Variants in FBXL18 observed in about 807,000 individuals in gnomAD.
FBXL18 encodes F-box and leucine rich repeat protein 18, also known as F-box/LRR-repeat protein 18.
FBXL18 carries 36 observed loss-of-function variants against 46.0 expected under a neutral mutation model. The ratio of observed to expected loss-of-function variants is 0.78; its 90% confidence interval spans 0.60 to 1.03. The LOEUF is 1.03. FBXL18 is among the 50% of genes least tolerant of loss of function. The pLI, the probability that FBXL18 is intolerant of heterozygous loss-of-function variation, is 0.00. For synonymous variants in FBXL18, 557 were observed against 465.3 expected, an observed-to-expected ratio of 1.20 and a Z score of -2.54; for missense variants, 977 against 1,004.1, an observed-to-expected ratio of 0.97 and a Z score of 0.36.
At chr7:5,468,691 C>T (rs1006717511) in intron 4 of FBXL18, among the ~76,000 whole-genome samples, 3 of 152,142 alleles carry the variant, frequency 2.0e-5, no homozygotes, top group African/African-American at 7.2e-5. Context: ...GACAACAACT[C>T]CTGGGCTCAA....
At chr7:5,461,008 C>A (rs193122204) in intron 4 of FBXL18, among the ~76,000 whole-genome samples, 1 of 152,322 alleles carries the variant, frequency 6.6e-6, no homozygotes, top group Non-Finnish European at 1.5e-5. Context: ...TTTCCTTCCA[C>A]GCACAAGTGC....
intron 4 of FBXL18, among the ~76,000 whole-genome samples, chr7:5,486,012 T>C (rs928940336): frequency 6.6e-6 from 1 of 151,598 alleles, no homozygotes; most frequent in African/African-American, 2.4e-5. Context: ...TGAGCCGAGA[T>C]TGTGCCACTG....
Position 5,505,459 on chromosome 7 carries a change from G to T in FBXL18, c.190C>A (p.Leu64Ile). The T allele has an allele frequency of 1.2e-6, 2 of 1,614,124 alleles. No homozygotes were observed. Among genetic ancestry groups the T allele is most frequent in the South Asian group, 2.2e-5 (2 of 91,082 alleles). The change falls in exon 2 of 5, where the codon CTT becomes ATT. Residue 64 changes from leucine (L) to isoleucine (I), a missense_variant. Physicochemically the swap from Leu to Ile is conservative, Grantham distance 5 (BLOSUM62 2). Transcript: ENST00000382368. ...RTCRKLAALCLDKSLIHTVLL... is the reference protein window; with the variant it reads ...RTCRKLAALCIDKSLIHTVLL... ...ACGGTGTGGATGAGGCTCTTGTCAA[G>T]GCACAGGGCTGCAAGCTTCCGACAG... is the stretch of plus-strand genomic sequence containing the variant.
chr7:5,502,314 C>A (rs187842348), intron 2 of FBXL18, among the ~76,000 whole-genome samples: 37 of 152,318 alleles, frequency 2.4e-4, no homozygotes, highest in African/African-American at 8.4e-4. Context: ...GCAGATGGAT[C>A]ACCTGAGGTC....
At position 5,491,296 on chromosome 7, in the gene FBXL18, C is replaced by T; in HGVS notation, c.1935G>A (p.Met645Ile). 1 of 1,612,974 alleles carries T rather than the reference C, an allele frequency of 6.2e-7. No homozygotes were observed. Among genetic ancestry groups the T allele is most frequent in the Non-Finnish European group, 8.5e-7 (1 of 1,179,848 alleles). ...GGGACTCCCCGGTGAACAGGTGGCA[C>T]ATGACAACCTGCAGGCAGCGAGCCA... ...AFMARCLQVVMCHLFTGESLA... is the reference protein window; with the variant it reads ...AFMARCLQVVICHLFTGESLA... The change falls in exon 4 of 5, where the codon ATG (methionine) becomes ATA (isoleucine). Residue 645 changes from methionine to isoleucine, a missense_variant. Transcript: ENST00000382368.
chr7:5,458,292 C>T (rs1222902336), intron 4 of FBXL18, among the ~76,000 whole-genome samples: 1 of 152,204 alleles, frequency 6.6e-6, no homozygotes, highest in Non-Finnish European at 1.5e-5. Flanking sequence ...TGGCCACCCA[C>T]AGTGGCTCAC....
At chr7:5,469,631 G>A (rs1273702291) in intron 4 of FBXL18, among the ~76,000 whole-genome samples, 3 of 151,802 alleles carry the variant, frequency 2.0e-5, no homozygotes, top group African/African-American at 7.3e-5. Context: ...GAGTGTGAGC[G>A]TGCAAGGGTG....
At chr7:5,506,032 T>A (rs996811619) in intron 1 of FBXL18, among the ~76,000 whole-genome samples, 5 of 151,696 alleles carry the variant, frequency 3.3e-5, no homozygotes, top group Non-Finnish European at 5.9e-5. Context: ...GTCCAGCTAA[T>A]TTTTTTGGTT....
At position 5,463,741 on chromosome 7, in the gene FBXL18, T is replaced by TTA. The variant is rs1562672349; in HGVS notation, c.2001-15899_2001-15898insTA. On this transcript the variant is annotated intron_variant and NMD_transcript_variant, in intron 4 of 6. Transcript: ENST00000415009. ...ATTTATTTATTTATTTTTTTTTTTT[T>TTA]TTTTTTTTTTTTTTTTTGAGACGGA... Among the ~76,000 whole-genome samples the TTA allele has an allele frequency of 1.2e-3, 55 of 46,198 alleles. 1 individual carries two copies. Among genetic ancestry groups the TTA allele is most frequent in the Admixed American group, 3.8e-3 (17 of 4,502 alleles). 30.3% of individuals were successfully genotyped at this position (46,198 alleles called of 152,430 possible).
chr7:5,500,766 G>A lies in FBXL18; in HGVS notation c.1503C>T (p.Arg501=). The A allele has an allele frequency of 6.2e-7, 1 of 1,612,596 alleles. No individual in the cohort carries two copies. Among genetic ancestry groups the A allele is most frequent in the African/African-American group, 1.3e-5 (1 of 75,046 alleles). Residue 501 remains arginine, a synonymous_variant, in exon 3 of 5, where the codon CGC becomes CGT. Transcript: ENST00000382368. ...GCGAGTTGCGGATGGCGGGCTCGTTGCGGGGCATGGCGGAGGAGAAGTTGG... is the reference window on the plus strand; with the variant it reads ...GCGAGTTGCGGATGGCGGGCTCGTTACGGGGCATGGCGGAGGAGAAGTTGG... The part of the protein sequence containing the change: ...IGSNFSSAMP[R]NEPAIRNSLP...
intron 1 of FBXL18, among the ~76,000 whole-genome samples, chr7:5,509,603 G>C (rs1292103169): frequency 1.3e-5 from 2 of 150,730 alleles, no homozygotes; most frequent in Non-Finnish European, 2.9e-5. Context: ...TCGGGGGGCT[G>C]AGGCAGAAGA....
intron 4 of FBXL18, among the ~76,000 whole-genome samples, chr7:5,464,663 C>CAAAAAAAAAA (rs774631633): frequency 3.4e-5 from 1 of 29,520 alleles, no homozygotes; most frequent in Non-Finnish European, 5.5e-5. Context: ...ACTCTTATCT[C>CAAAAAAAAAA]AAAAAAAAAA....
intron 2 of FBXL18, among the ~76,000 whole-genome samples, chr7:5,503,906 G>C (rs1784328659): frequency 6.6e-6 from 1 of 151,774 alleles, no homozygotes. Flanking sequence ...GGTGGAGGTT[G>C]CAGTGAGCTG....
chr7:5,512,169 C>T (rs1192348800), intron 1 of FBXL18, among the ~76,000 whole-genome samples: 6 of 149,184 alleles, frequency 4.0e-5, no homozygotes, highest in Non-Finnish European at 8.9e-5. Flanking sequence ...GGCATGAACC[C>T]GGGAGGCGGA....
At chr7:5,486,785 C>A (rs1054722539) in intron 4 of FBXL18, among the ~76,000 whole-genome samples, 2 of 152,204 alleles carry the variant, frequency 1.3e-5, no homozygotes, top group Non-Finnish European at 2.9e-5. Context: ...AGGTCACCGG[C>A]GACAGGTCAG....
In FBXL18 at chr7:5,508,438, T is replaced by C. The variant is rs1223102711; in HGVS notation, c.19-2808A>G. 2.3e-4 allele frequency among the ~76,000 whole-genome samples: 32 copies of C among 140,520 alleles called. No individual in the cohort carries two copies. In the South Asian group the frequency reaches 5.6e-3, roughly 25 times the overall value. The allele number at this position is 140,520 out of a possible 152,430, so 92.2% of individuals were successfully genotyped here. Reference sequence around the variant, plus strand: ...GCCTGGGCAACAGAGCGAGACTTTGTCTAAAAAAAAAAAAAAAAAAATTAG... The same window carrying C: ...GCCTGGGCAACAGAGCGAGACTTTGCCTAAAAAAAAAAAAAAAAAAATTAG... On this transcript the variant is annotated intron_variant, in intron 1 of 4. Transcript: ENST00000382368.
At chr7:5,462,722 C>T (rs919647808) in intron 4 of FBXL18, among the ~76,000 whole-genome samples, 6 of 151,434 alleles carry the variant, frequency 4.0e-5, no homozygotes, top group South Asian at 4.2e-4. Flanking sequence ...GAGGCCGAGG[C>T]GGATGGATCA....
At chr7:5,468,497 G>A (rs977281804) in intron 4 of FBXL18, among the ~76,000 whole-genome samples, 2 of 152,206 alleles carry the variant, frequency 1.3e-5, no homozygotes, top group African/African-American at 2.4e-5. Flanking sequence ...TGCCAGGCGG[G>A]TGAGAACGTG....
At chr7:5,472,009 G>A (rs1024946242), downstream of FBXL18, among the ~76,000 whole-genome samples, 1 of 152,144 alleles carries the variant, frequency 6.6e-6, no homozygotes, top group African/African-American at 2.4e-5. Context: ...GATCACTCAA[G>A]CCCAGGAGGT....
Sources: allele counts gnomAD v4.1 joint callset (sites outside exome capture counted in the v4.1 genomes callset), GRCh38; gene constraint gnomAD v4.1.1; transcripts MANE v1.5; gene names NCBI Gene and HGNC (gene_info 2026-07-23, HGNC 2026-07-21).